Variants in SYT1 observed in about 807,000 individuals in gnomAD.
SYT1 encodes synaptotagmin 1.
SYT1 carries 8 observed loss-of-function variants against 44.8 expected under a neutral mutation model. The ratio of observed to expected loss-of-function variants is 0.18; its 90% CI spans 0.10 to 0.32. SYT1 has a LOEUF of 0.32. Ranked by LOEUF, SYT1 falls within the 10% of genes least tolerant of loss-of-function variation. The pLI, the probability that SYT1 is intolerant of heterozygous loss-of-function variation, is 1.00. For synonymous variants in SYT1, 154 were observed against 188.8 expected (o/e 0.82, Z 1.51); for missense variants, 286 against 509.3 (o/e 0.56, Z 4.22).
At chr12:79,321,145 T>G (rs1247004711) in intron 8 of SYT1, among the ~76,000 whole-genome samples, 3 of 152,198 alleles carry the variant, frequency 2.0e-5, no homozygotes, top group African/African-American at 7.2e-5. Context: ...CAGATATTAT[T>G]AAGACAAATT....
chr12:78,925,698 C>T (rs892515985), intron 1 of SYT1, among the ~76,000 whole-genome samples: 1 of 151,878 alleles, frequency 6.6e-6, no homozygotes, highest in African/African-American at 2.4e-5. Context: ...TTACCTGGCA[C>T]ATATTTAGGT....
chr12:79,143,001 A>G (rs558286317), intron 3 of SYT1, among the ~76,000 whole-genome samples: 7 of 152,210 alleles, frequency 4.6e-5, no homozygotes, highest in Non-Finnish European at 8.8e-5. Context: ...CATAATAACA[A>G]AACTTCAAAC....
chr12:78,926,109 T>A (rs993717877), intron 1 of SYT1, among the ~76,000 whole-genome samples: 9 of 152,158 alleles, frequency 5.9e-5, no homozygotes, highest in African/African-American at 2.2e-4. Context: ...ATAAATGTTA[T>A]AATTGTTAGA....
intron 3 of SYT1, among the ~76,000 whole-genome samples, chr12:79,049,417 C>T (rs1461231699): frequency 6.6e-6 from 1 of 151,534 alleles, no homozygotes; most frequent in Non-Finnish European, 1.5e-5. Flanking sequence ...ATTTTAATTA[C>T]CTATTATTTA....
At chr12:79,147,456 C>T (rs1869989850) in intron 3 of SYT1, among the ~76,000 whole-genome samples, 1 of 152,018 alleles carries the variant, frequency 6.6e-6, no homozygotes, top group Non-Finnish European at 1.5e-5. Context: ...TAGACTTACA[C>T]TGATTTTTAA....
At chr12:79,163,757 G>A (rs1871090343) in intron 3 of SYT1, among the ~76,000 whole-genome samples, 2 of 152,200 alleles carry the variant, frequency 1.3e-5, no homozygotes, top group African/African-American at 4.8e-5. Flanking sequence ...TGTGTTCTGT[G>A]TTCTAAAGAG....
rs556726577 is a variant in SYT1 at position 79,045,293 on chromosome 12, G to A, written c.-83-2004G>A. On this transcript the variant is annotated intron_variant, in intron 2 of 10. Coordinates refer to ENST00000261205, the MANE Select transcript of SYT1 (RefSeq NM_005639.3). ...GCGAGACTACGTGGGCGTAGGACCC[G>A]CCGAGCCAGGTGCGGGATATAATCT... Among the ~76,000 whole-genome samples the A allele has an allele frequency of 1.9e-4, 29 of 152,314 alleles. No homozygotes were observed. The South Asian group carries it at 2.3e-3, about 12-fold the overall frequency.
intron 2 of SYT1, among the ~76,000 whole-genome samples, chr12:79,038,852 G>T (rs563675582): frequency 6.6e-6 from 1 of 151,888 alleles, no homozygotes; most frequent in African/African-American, 2.4e-5. Flanking sequence ...CTATGCTACC[G>T]AAGCCTCAAA....
intron 1 of SYT1, among the ~76,000 whole-genome samples, chr12:78,932,551 A>T (rs1452154313): frequency 1.3e-5 from 2 of 152,222 alleles, no homozygotes; most frequent in Non-Finnish European, 2.9e-5. Context: ...TTTTATTGAA[A>T]AACCAAATTC....
intron 4 of SYT1, 31 bp downstream of exon 4, chr12:79,217,716 A>C (rs1222209317): frequency 1.3e-6 from 2 of 1,562,276 alleles, no homozygotes. Flanking sequence ...CTTGAGTAAA[A>C]ATAAGTGGTT....
Position 79,014,884 on chromosome 12 carries a change from A to C in SYT1, c.-83-32413A>C, listed in dbSNP as rs993164060. On this transcript the variant is annotated intron_variant, in intron 2 of 10. Transcript: ENST00000261205. ...CACCATGGAATACTATGCAGCCATA[A>C]AAAATGATGAGTTCATGTCCTTTGT... Among the ~76,000 whole-genome samples, 47 of 152,206 alleles carry C rather than the reference A, an allele frequency of 3.1e-4. 1 individual carries two copies. Among genetic ancestry groups the C allele is most frequent in the Middle Eastern group, 6.8e-3 (2 of 294 alleles).
At chr12:78,913,528 T>C (rs1036993068) in intron 1 of SYT1, among the ~76,000 whole-genome samples, 1 of 151,838 alleles carries the variant, frequency 6.6e-6, no homozygotes, top group African/African-American at 2.4e-5. Context: ...TTTCTCCAAT[T>C]GTTTAACTGA....
chr12:79,323,008 G>A (rs1039677103), intron 8 of SYT1, among the ~76,000 whole-genome samples: 22 of 152,218 alleles, frequency 1.4e-4, no homozygotes, highest in African/African-American at 4.8e-4. Flanking sequence ...GTGATCTCCC[G>A]TGGGATCTAA....
chr12:79,415,175 TAA>T (rs1351796901), intron 9 of SYT1, among the ~76,000 whole-genome samples: 2 of 152,172 alleles, frequency 1.3e-5, no homozygotes, highest in Non-Finnish European at 2.9e-5. Flanking sequence ...ACCAGAAGTA[TAA>T]AGTTTCTCTC....
intron 3 of SYT1, among the ~76,000 whole-genome samples, chr12:79,191,179 C>G (rs1873100106): frequency 6.6e-6 from 1 of 151,620 alleles, no homozygotes; most frequent in Admixed American, 6.6e-5. Context: ...TGTTATTATT[C>G]CTAAATTCAA....
intron 3 of SYT1, among the ~76,000 whole-genome samples, chr12:79,061,361 A>G (rs1448156112): frequency 1.3e-5 from 2 of 152,130 alleles, no homozygotes; most frequent in Non-Finnish European, 2.9e-5. Context: ...ATTATCCTCT[A>G]ATCCTCACAC....
intron 3 of SYT1, among the ~76,000 whole-genome samples, chr12:79,189,495 CATTTT>C (rs1872989499): frequency 6.6e-6 from 1 of 152,050 alleles, no homozygotes; most frequent in African/African-American, 2.4e-5. Context: ...TAATAGCTGA[CATTTT>C]ATTAAGTGTT....
chr12:78,997,307 A>G (rs567942738), intron 2 of SYT1, among the ~76,000 whole-genome samples: 221 of 152,336 alleles, frequency 1.5e-3, no homozygotes, highest in African/African-American at 5.2e-3. Context: ...AGATAACTCC[A>G]TAAGATTCTG....
intron 3 of SYT1, among the ~76,000 whole-genome samples, chr12:79,171,308 T>C (rs1450622094): frequency 6.6e-6 from 1 of 152,140 alleles, no homozygotes; most frequent in African/African-American, 2.4e-5. Context: ...ATGATATTGA[T>C]TCTTCCTCTC....
Sources: gnomAD v4.1 joint callset for allele counts (sites outside exome capture counted in the v4.1 genomes callset) on GRCh38, gnomAD v4.1.1 for gene constraint, MANE v1.5 for transcripts, NCBI Gene and HGNC (gene_info 2026-07-23, HGNC 2026-07-21) for gene names.